Variants in RGL1 observed in about 807,000 individuals in gnomAD.
RGL1 encodes ral guanine nucleotide dissociation stimulator-like 1.
Under a neutral mutation model 95.2 loss-of-function variants are expected in RGL1, and 24 were observed. The ratio of observed to expected loss-of-function variants is 0.25; its 90% CI spans 0.18 to 0.35. The LOEUF (loss-of-function observed/expected upper bound fraction) is 0.35, where lower values mean the gene tolerates loss of function less well. Ranked by LOEUF, RGL1 falls within the 10% of genes least tolerant of loss-of-function variation. The probability of loss-of-function intolerance (pLI) is 1.00; values close to 1 mark genes in which losing one functional copy is unlikely to be tolerated. For missense variants in RGL1, 715 were observed against 936.3 expected (o/e 0.76, Z 3.08); for synonymous variants, 329 against 344.9 (o/e 0.95, Z 0.51).
chr1:183,708,937 A>G (rs894783112), intron 1 of RGL1, among the ~76,000 whole-genome samples: 52 of 152,178 alleles, frequency 3.4e-4, no homozygotes, highest in Admixed American at 6.5e-4. Flanking sequence ...TTGAACCCCG[A>G]GAGCGCGCCA....
chr1:183,658,798 G>A (rs1489850934), intron 1 of RGL1, among the ~76,000 whole-genome samples: 1 of 152,148 alleles, frequency 6.6e-6, no homozygotes. Context: ...TAGCCTAACT[G>A]GGAGGCACCC....
At chr1:183,850,140 T>A (rs1664744192) in intron 3 of RGL1, among the ~76,000 whole-genome samples, 1 of 152,232 alleles carries the variant, frequency 6.6e-6, no homozygotes, top group African/African-American at 2.4e-5. Context: ...TAGCATCTTT[T>A]AAAATTCTTA....
At chr1:183,680,576 A>G (rs920952899) in intron 1 of RGL1, among the ~76,000 whole-genome samples, 5 of 152,044 alleles carry the variant, frequency 3.3e-5, no homozygotes, top group Non-Finnish European at 7.4e-5. Flanking sequence ...TTTGGTTACT[A>G]TAGCCTTGTA....
At chr1:183,892,740 AC>A (rs1667492752) in intron 9 of RGL1, among the ~76,000 whole-genome samples, 4 of 152,248 alleles carry the variant, frequency 2.6e-5, no homozygotes, top group Non-Finnish European at 5.9e-5. Flanking sequence ...GGTGACTAAC[AC>A]AAACACTGTT....
intron 1 of RGL1, among the ~76,000 whole-genome samples, chr1:183,689,177 A>T (rs972529745): frequency 6.6e-6 from 1 of 152,200 alleles, no homozygotes. Flanking sequence ...AACCCACAAT[A>T]CTAAATTTAT....
At chr1:183,750,341 T>C (rs367920968) in intron 2 of RGL1, among the ~76,000 whole-genome samples, 14 of 152,364 alleles carry the variant, frequency 9.2e-5, no homozygotes, top group African/African-American at 3.4e-4. Context: ...TTTCTTCTGC[T>C]TTATTGATTC....
intron 2 of RGL1, among the ~76,000 whole-genome samples, chr1:183,794,071 C>T (rs1660572608): frequency 6.6e-6 from 1 of 151,686 alleles, no homozygotes; most frequent in African/African-American, 2.4e-5. Context: ...CACACACACA[C>T]ACACACACAC....
intron 5 of RGL1, among the ~76,000 whole-genome samples, chr1:183,882,473 C>T (rs573693911): frequency 5.9e-5 from 9 of 152,310 alleles, no homozygotes; most frequent in African/African-American, 2.2e-4. Flanking sequence ...CTAAATTAAA[C>T]AGTGCCAGAG....
intron 1 of RGL1, among the ~76,000 whole-genome samples, chr1:183,706,364 G>A (rs978425789): frequency 6.6e-6 from 1 of 152,154 alleles, no homozygotes. Flanking sequence ...GGTTGCCCTG[G>A]TATTAATTAA....
At chr1:183,655,303 G>A (rs1651075255) in intron 1 of RGL1, among the ~76,000 whole-genome samples, 1 of 152,154 alleles carries the variant, frequency 6.6e-6, no homozygotes, top group Non-Finnish European at 1.5e-5. Context: ...CTGCTTATAA[G>A]GCAACTTTCT....
chr1:183,700,937 GA>G (rs1654559777), intron 1 of RGL1, among the ~76,000 whole-genome samples: 2 of 152,114 alleles, frequency 1.3e-5, no homozygotes, highest in Non-Finnish European at 2.9e-5. Flanking sequence ...CCCGGTGTGT[GA>G]TGTTCCGCTC....
intron 2 of RGL1, among the ~76,000 whole-genome samples, chr1:183,841,539 T>C (rs917213271): frequency 5.3e-5 from 8 of 152,220 alleles, no homozygotes; most frequent in Non-Finnish European, 8.8e-5. Flanking sequence ...ACCAACCTAA[T>C]AAAAGTTCAC....
At chr1:183,692,727 A>G (rs996070454) in intron 1 of RGL1, among the ~76,000 whole-genome samples, 1 of 152,164 alleles carries the variant, frequency 6.6e-6, no homozygotes, top group Non-Finnish European at 1.5e-5. Flanking sequence ...ACAACAATCT[A>G]TTTATGAAGA....
At chr1:183,867,368 C>T (rs1384259495) in intron 4 of RGL1, among the ~76,000 whole-genome samples, 1 of 151,976 alleles carries the variant, frequency 6.6e-6, no homozygotes, top group African/African-American at 2.4e-5. Context: ...GTTGTTGTGT[C>T]CCCAGAAGAC....
At chr1:183,796,627 C>G (rs1049218022) in intron 2 of RGL1, among the ~76,000 whole-genome samples, 2 of 152,178 alleles carry the variant, frequency 1.3e-5, no homozygotes, top group African/African-American at 4.8e-5. Context: ...AGCCTTCACT[C>G]TTAGCTACTT....
chr1:183,671,984 G>A (rs915100421), intron 1 of RGL1, among the ~76,000 whole-genome samples: 15 of 150,002 alleles, frequency 1.0e-4, no homozygotes, highest in African/African-American at 3.5e-4. Flanking sequence ...CCAGGCTGGA[G>A]TGCAGTGGCG....
intron 3 of RGL1, among the ~76,000 whole-genome samples, chr1:183,861,584 A>G (rs1007075452): frequency 2.0e-5 from 3 of 152,220 alleles, no homozygotes; most frequent in Admixed American, 2.0e-4. Flanking sequence ...TTTAGGAGAC[A>G]TTTGTAAATT....
At chr1:183,670,404 C>A (rs1652358859) in intron 1 of RGL1, among the ~76,000 whole-genome samples, 1 of 152,290 alleles carries the variant, frequency 6.6e-6, no homozygotes, top group African/African-American at 2.4e-5. Context: ...CTGCTGGAAT[C>A]ATAAGGGAAT....
chr1:183,758,158 C>A (rs979808765), intron 2 of RGL1, among the ~76,000 whole-genome samples: 1 of 151,870 alleles, frequency 6.6e-6, no homozygotes, highest in Non-Finnish European at 1.5e-5. Context: ...TGGACTGCCA[C>A]AATGAAATAG....
Sources: gnomAD v4.1 joint callset for allele counts (sites outside exome capture counted in the v4.1 genomes callset) on GRCh38, gnomAD v4.1.1 for gene constraint, MANE v1.5 for transcripts, NCBI Gene and HGNC (gene_info 2026-07-23, HGNC 2026-07-21) for gene names.